The following EYA1 variants were observed in gnomAD, a reference collection of about 807,000 sequenced individuals.
The protein encoded by EYA1 is protein phosphatase EYA1.
EYA1 carries 16 observed loss-of-function variants against 82.0 expected under a neutral mutation model. That is an observed-to-expected ratio of 0.20 (90% confidence interval 0.13 to 0.30). The LOEUF is 0.30. Ranked by LOEUF, EYA1 falls within the 10% of genes least tolerant of loss-of-function variation. EYA1 has a pLI of 1.00. For missense variants in EYA1, 633 were observed against 730.7 expected, an observed-to-expected ratio of 0.87 and a Z score of 1.54; for synonymous variants, 261 against 264.4, an observed-to-expected ratio of 0.99 and a Z score of 0.12.
intron 2 of EYA1, among the ~76,000 whole-genome samples, chr8:71,378,455 T>G (rs187058024): frequency 1.3e-3 from 195 of 152,250 alleles, no homozygotes; most frequent in Admixed American, 4.3e-3. Context: ...ATGTAGAATA[T>G]ATAAACCAAA....
rs2128854799 is a variant in EYA1 at position 71,217,034 on chromosome 8, A to G, written c.1141-11T>C. On this transcript the variant is annotated splice_polypyrimidine_tract_variant and intron_variant, in intron 12 of 17. Coordinates refer to ENST00000340726, the MANE Select transcript of EYA1 (RefSeq NM_000503.6). ...GACTTGGTCACATTCCTAAAATGCAATTAAAATGATACATGTCAATTTTTT... is the reference window on the plus strand; with the variant it reads ...GACTTGGTCACATTCCTAAAATGCAGTTAAAATGATACATGTCAATTTTTT... 3 of 1,602,272 alleles carry G rather than the reference A, an allele frequency of 1.9e-6. No homozygotes were observed. The highest frequency in any genetic ancestry group is 2.2e-5 in the East Asian group (1 of 44,832).
chr8:71,462,137 CCG>C (rs1808408446), intron 2 of EYA1, among the ~76,000 whole-genome samples: 1 of 152,098 alleles, frequency 6.6e-6, no homozygotes, highest in Non-Finnish European at 1.5e-5. Flanking sequence ...TGGGGACCCA[CCG>C]CTTCTGCTCA....
At chr8:71,331,953 T>A (rs1823927574) in intron 4 of EYA1, among the ~76,000 whole-genome samples, 1 of 152,188 alleles carries the variant, frequency 6.6e-6, no homozygotes, top group African/African-American at 2.4e-5. Flanking sequence ...GCTCAAGTGA[T>A]CTTCCAGTCT....
rs556238465 is a variant in EYA1 at position 71,332,581 on chromosome 8, C to T, written c.202+1516G>A. Reference sequence around the variant, plus strand: ...TCAATATTTCTTGCTCAAATTAATACAAAAAAATCTCTCCCTGATTTCTCC... The same window carrying T: ...TCAATATTTCTTGCTCAAATTAATATAAAAAAATCTCTCCCTGATTTCTCC... On this transcript the variant is annotated intron_variant, in intron 4 of 17. Coordinates refer to ENST00000340726, the MANE Select transcript of EYA1 (RefSeq NM_000503.6). 5.3e-5 allele frequency among the ~76,000 whole-genome samples: 8 copies of T among 152,240 alleles called. No individual in the cohort carries two copies. In the South Asian group the frequency reaches 1.5e-3, roughly 28 times the overall value.
At chr8:71,410,846 C>T (rs1329362231) in intron 2 of EYA1, among the ~76,000 whole-genome samples, 2 of 124,310 alleles carry the variant, frequency 1.6e-5, no homozygotes, top group Non-Finnish European at 3.4e-5. Context: ...ATCAAGCTAC[C>T]AATGACTTTC....
chr8:71,296,727 TAA>T, intron 9 of EYA1, among the ~76,000 whole-genome samples: 2 of 152,204 alleles, frequency 1.3e-5, no homozygotes, highest in Non-Finnish European at 2.9e-5. Context: ...TTGTTTTTAA[TAA>T]GTCATTTCTA....
At chr8:71,474,198 T>TAAAAAA (rs199862429) in intron 2 of EYA1, among the ~76,000 whole-genome samples, 2 of 104,220 alleles carry the variant, frequency 1.9e-5, no homozygotes, top group Non-Finnish European at 2.4e-5. Flanking sequence ...AAAGTAAAAT[T>TAAAAAA]AAAAAAAAAA....
chr8:71,405,252 A>AAAC (rs143920810), intron 2 of EYA1, among the ~76,000 whole-genome samples: 3 of 151,914 alleles, frequency 2.0e-5, no homozygotes, highest in South Asian at 2.1e-4. Flanking sequence ...TTTAAAAAAC[A>AAAC]AACAACAACA....
chr8:71,360,333 T>C (rs1470490719), intron 1 of EYA1, among the ~76,000 whole-genome samples: 1 of 152,228 alleles, frequency 6.6e-6, no homozygotes, highest in Non-Finnish European at 1.5e-5. Flanking sequence ...GATAAACAAG[T>C]GGTTTTATTC....
At chr8:71,408,815 GA>G (rs1389153426) in intron 2 of EYA1, among the ~76,000 whole-genome samples, 1 of 131,200 alleles carries the variant, frequency 7.6e-6, no homozygotes, top group African/African-American at 3.1e-5. Flanking sequence ...ACAGATCAAC[GA>G]GCCAGAAAGT....
In EYA1 at chr8:71,313,537, C is replaced by T. The variant is rs183054664; in HGVS notation, c.556+4015G>A. Among the ~76,000 whole-genome samples, 6 of 152,260 alleles carry T rather than the reference C, an allele frequency of 3.9e-5. No homozygotes were observed. In the East Asian group the frequency reaches 9.7e-4, roughly 25 times the overall value. On this transcript the variant is annotated intron_variant, in intron 7 of 17. Coordinates refer to ENST00000340726, the MANE Select transcript of EYA1 (RefSeq NM_000503.6). ...TGAGAGCAGTAAAATTGACAACAAT[C>T]ATTTGAGTTCTTACTATGTACCACA...
At chr8:71,483,674 C>CGT (rs34143964) in intron 2 of EYA1, among the ~76,000 whole-genome samples, 9,399 of 147,930 alleles carry the variant, frequency 0.064, 971 homozygotes, top group African/African-American at 0.21. Flanking sequence ...TGTGTGTGTG[C>CGT]GTGTGTGTGT....
intron 10 of EYA1, among the ~76,000 whole-genome samples, chr8:71,271,501 C>T (rs189186370): frequency 6.6e-6 from 1 of 151,994 alleles, no homozygotes; most frequent in Non-Finnish European, 1.5e-5. Context: ...AGTAGAATTG[C>T]ATAATTTACT....
intron 4 of EYA1, among the ~76,000 whole-genome samples, chr8:71,322,958 G>A (rs549511081): frequency 3.4e-4 from 51 of 152,156 alleles, no homozygotes; most frequent in African/African-American, 1.2e-3. Flanking sequence ...TTTTAAAGAG[G>A]TATTTAAGCA....
At chr8:71,510,398 G>A (rs1205405463) in intron 2 of EYA1, among the ~76,000 whole-genome samples, 3 of 152,110 alleles carry the variant, frequency 2.0e-5, no homozygotes, top group Non-Finnish European at 2.9e-5. Flanking sequence ...GTATTAGTCC[G>A]TTCTCATGCT....
Position 71,356,492 on chromosome 8 carries a change from C to G in EYA1, c.-35G>C. On this transcript the variant is annotated 5_prime_UTR_variant, in exon 2 of 18. Coordinates refer to ENST00000340726, the MANE Select transcript of EYA1 (RefSeq NM_000503.6). ...ACTTGAGGAAACAGCAACATCTGAA[C>G]TGGCTTGAGATGTTTGCACCTGTGA... The G allele has an allele frequency of 6.3e-7, 1 of 1,582,178 alleles. No homozygotes were observed. Among genetic ancestry groups the G allele is most frequent in the South Asian group, 1.2e-5 (1 of 85,982 alleles).
At chr8:71,322,471 T>C (rs1463744937) in intron 4 of EYA1, 2 of 582,400 alleles carry the variant, frequency 3.4e-6, no homozygotes, top group Admixed American at 2.9e-5. Flanking sequence ...TAGAAACTGA[T>C]TAAGGGCTCT....
intron 2 of EYA1, among the ~76,000 whole-genome samples, chr8:71,392,249 G>A (rs893225854): frequency 3.2e-4 from 49 of 152,114 alleles, no homozygotes; most frequent in Non-Finnish European, 8.8e-5. Flanking sequence ...GAAAACTCCT[G>A]AAGACTTTAC....
intron 17 of EYA1, among the ~76,000 whole-genome samples, chr8:71,199,628 G>A (rs890106451): frequency 6.6e-6 from 1 of 152,120 alleles, no homozygotes. Flanking sequence ...GTAATCTAGA[G>A]TCTGTTTCTT....
Sources: allele counts gnomAD v4.1 joint callset (sites outside exome capture counted in the v4.1 genomes callset), GRCh38; gene constraint gnomAD v4.1.1; transcripts MANE v1.5; gene names NCBI Gene and HGNC (gene_info 2026-07-23, HGNC 2026-07-21).